The following NHSL1 variants were observed in gnomAD, a reference collection of about 807,000 sequenced individuals.
The protein encoded by NHSL1 is NHS like 1.
A neutral mutation model predicts 95.0 loss-of-function variants in NHSL1; 48 were observed. That is an observed-to-expected ratio of 0.51 (90% confidence interval 0.40 to 0.64). NHSL1 has a LOEUF of 0.64. NHSL1 is among the 30% of genes least tolerant of loss of function. The pLI is 0.00. For missense variants in NHSL1, 1,971 were observed against 2,077.7 expected (o/e 0.95, Z 1.00); for synonymous variants, 783 against 833.9 (o/e 0.94, Z 1.05).
At chr6:138,659,046 CTTTTTTTTTTTT>C (rs771033274) in intron 1 of NHSL1, among the ~76,000 whole-genome samples, 36 of 117,824 alleles carry the variant, frequency 3.1e-4, no homozygotes, top group Non-Finnish European at 5.5e-4. Context: ...TGTGGACTAT[CTTTTTTTTTTTT>C]TTTTTTTTTG....
upstream of NHSL1, among the ~76,000 whole-genome samples, chr6:138,550,203 T>TGCCTGGGATCGTGCCTGGG (rs1782948777): frequency 6.6e-6 from 1 of 151,990 alleles, no homozygotes; most frequent in Non-Finnish European, 1.5e-5. Flanking sequence ...CGTGCCACTG[T>TGCCTGGGATCGTGCCTGGG]ATTCCAGCCT....
intron 1 of NHSL1, among the ~76,000 whole-genome samples, chr6:138,610,436 T>A (rs1165815018): frequency 6.6e-6 from 1 of 151,806 alleles, no homozygotes; most frequent in East Asian, 1.9e-4. Flanking sequence ...ATATACCTAA[T>A]GTAAATGACG....
At position 138,431,221 on chromosome 6, in the gene NHSL1, C is replaced by T; in HGVS notation, c.3124G>A (p.Gly1042Ser). The T allele has an allele frequency of 6.5e-7, 1 of 1,528,074 alleles. No homozygotes were observed. The highest frequency in any genetic ancestry group is 1.2e-5 in the South Asian group (1 of 81,222). The allele number at this position is 1,528,074 out of a possible 1,614,324, so 94.7% of individuals were successfully genotyped here. A position where few individuals can be genotyped will look rare whatever the true frequency, so the allele number is the denominator to read the frequency against. Residue 1042 changes from glycine to serine, a missense_variant, in exon 6 of 8, where the codon GGC (glycine) becomes AGC (serine). Transcript: ENST00000343505. The surrounding 1 kb of genome is among the most constrained non-coding windows in gnomAD (Gnocchi z 4.0). ...KDTRPPFTNS[G>S]QPESSRGSLR... ...GATCCCCGGGAGGATTCTGGCTGGC[C>T]AGAATTTGTGAAAGGCGGCCTGGTG...
rs1036669928 is a variant in NHSL1 at position 138,618,482 on chromosome 6, T to A, written c.96+73994A>T. On this transcript the variant is annotated intron_variant, in intron 1 of 3. Coordinates refer to the NHSL1 transcript ENST00000491526. Reference sequence around the variant, plus strand: ...CACTTTTCAAACAAATATACTAAGCTGAGAGCAACGGTTTTTCTGACTAGC... The same window carrying A: ...CACTTTTCAAACAAATATACTAAGCAGAGAGCAACGGTTTTTCTGACTAGC... Among the ~76,000 whole-genome samples the A allele has an allele frequency of 3.9e-5, 6 of 152,344 alleles. No individual in the cohort carries two copies. In the East Asian group the frequency reaches 9.6e-4, roughly 24 times the overall value.
chr6:138,659,626 C>T (rs1317322740), intron 1 of NHSL1, among the ~76,000 whole-genome samples: 2 of 151,860 alleles, frequency 1.3e-5, no homozygotes, highest in Non-Finnish European at 1.5e-5. Context: ...TACTTCATGA[C>T]GTTTTGCTTA....
intron 1 of NHSL1, among the ~76,000 whole-genome samples, chr6:138,585,718 G>A (rs1270976522): frequency 1.3e-5 from 2 of 151,944 alleles, no homozygotes; most frequent in Non-Finnish European, 2.9e-5. Flanking sequence ...CAGTTGATAA[G>A]AAAATGCTTA....
chr6:138,573,431 T>C (rs1783910193), upstream of NHSL1, among the ~76,000 whole-genome samples: 1 of 152,200 alleles, frequency 6.6e-6, no homozygotes, highest in African/African-American at 2.4e-5. Context: ...ATCGATCAGA[T>C]ACATTAAAAT....
intron 1 of NHSL1, among the ~76,000 whole-genome samples, chr6:138,586,596 A>T (rs190079744): frequency 6.6e-6 from 1 of 152,372 alleles, no homozygotes; most frequent in Non-Finnish European, 1.5e-5. Context: ...ATGAGGTCTG[A>T]GGAAAGATTA....
At chr6:138,479,484 C>T (rs772333974) in intron 2 of NHSL1, among the ~76,000 whole-genome samples, 4 of 152,150 alleles carry the variant, frequency 2.6e-5, no homozygotes, top group Non-Finnish European at 5.9e-5. Flanking sequence ...GACTGATGGA[C>T]GGGCAGTGTC....
intron 1 of NHSL1, among the ~76,000 whole-genome samples, chr6:138,544,679 C>G (rs1782713157): frequency 6.6e-6 from 1 of 152,120 alleles, no homozygotes; most frequent in African/African-American, 2.4e-5. Context: ...AATTTCCCAT[C>G]AACAGAATGA....
chr6:138,438,203 G>A (rs1441901957), intron 5 of NHSL1, among the ~76,000 whole-genome samples: 1 of 152,208 alleles, frequency 6.6e-6, no homozygotes, highest in African/African-American at 2.4e-5. Context: ...AACTGCCACA[G>A]TCATTCCTAC....
At chr6:138,501,689 T>C (rs1361506709), upstream of NHSL1, among the ~76,000 whole-genome samples, 1 of 152,212 alleles carries the variant, frequency 6.6e-6, no homozygotes, top group East Asian at 1.9e-4. Context: ...GGTAATTTCC[T>C]TTCTCACTCA....
At chr6:138,530,449 T>C (rs974561123) in intron 1 of NHSL1, among the ~76,000 whole-genome samples, 5 of 151,910 alleles carry the variant, frequency 3.3e-5, no homozygotes, top group Non-Finnish European at 5.9e-5. Flanking sequence ...GGAAAAGAGG[T>C]CATTATATGA....
chr6:138,623,439 A>G (rs1178569559), intron 1 of NHSL1, among the ~76,000 whole-genome samples: 1 of 152,206 alleles, frequency 6.6e-6, no homozygotes, highest in African/African-American at 2.4e-5. Flanking sequence ...ATGGTGTACA[A>G]CATGAAGTTT....
chr6:138,589,382 G>A (rs1449781355), intron 1 of NHSL1, among the ~76,000 whole-genome samples: 1 of 152,134 alleles, frequency 6.6e-6, no homozygotes, highest in East Asian at 1.9e-4. Context: ...TGTGAGGAGA[G>A]GACCAGAGAA....
chr6:138,673,035 A>C lies in NHSL1; in HGVS notation c.96+19441T>G, dbSNP rs753362614. 7.4e-3 allele frequency among the ~76,000 whole-genome samples: 27 copies of C among 3,634 alleles called. No homozygotes were observed. In the South Asian group the frequency reaches 0.19, roughly 26 times the overall value. 2.4% of individuals were successfully genotyped at this position (3,634 alleles called of 152,430 possible). ...CATAGATAGCTAGATAGATAGGTAGATAGATAGATAGATAGATAGATAGAT... is the reference window on the plus strand; with the variant it reads ...CATAGATAGCTAGATAGATAGGTAGCTAGATAGATAGATAGATAGATAGAT... On this transcript the variant is annotated intron_variant, in intron 1 of 3. Coordinates refer to the NHSL1 transcript ENST00000491526.
At chr6:138,427,630 A>G (rs1775350241) in intron 7 of NHSL1, among the ~76,000 whole-genome samples, 1 of 152,216 alleles carries the variant, frequency 6.6e-6, no homozygotes, top group Non-Finnish European at 1.5e-5. Context: ...AACAGTTAAC[A>G]CTGATTTTAA....
intron 1 of NHSL1, among the ~76,000 whole-genome samples, chr6:138,535,406 T>TA (rs1348377967): frequency 1.3e-5 from 2 of 150,914 alleles, no homozygotes; most frequent in African/African-American, 4.9e-5. Context: ...TCGACAAAAA[T>TA]AAAAAAAATT....
rs58256965 is a variant in NHSL1 at position 138,437,387 on chromosome 6, C to T, written c.665-3707G>A. Among the ~76,000 whole-genome samples, 2 of 57,510 alleles carry T rather than the reference C, an allele frequency of 3.5e-5. 1 individual carries two copies. Among genetic ancestry groups the T allele is most frequent in the African/African-American group, 1.3e-4 (2 of 15,238 alleles). 37.7% of individuals were successfully genotyped at this position (57,510 alleles called of 152,430 possible). ...ATATATATATACACATATATATATACACATATATATATATATACACACATA... is the reference window on the plus strand; with the variant it reads ...ATATATATATACACATATATATATATACATATATATATATATACACACATA... On this transcript the variant is annotated intron_variant, in intron 5 of 7. Transcript: ENST00000343505.
Sources: gnomAD v4.1 joint callset for allele counts (sites outside exome capture counted in the v4.1 genomes callset) on GRCh38, gnomAD v4.1.1 for gene constraint, Gnocchi (gnomAD v3.1) non-coding constraint, MANE v1.5 for transcripts, NCBI Gene and HGNC (gene_info 2026-07-23, HGNC 2026-07-21) for gene names.